Variants in ALG9 observed in about 807,000 individuals in gnomAD.
ALG9 encodes alpha-1,2-mannosyltransferase ALG9.
In ALG9, 55 loss-of-function variants were observed where a neutral mutation model predicts 81.8. That is an observed-to-expected ratio of 0.67 (90% CI 0.54 to 0.84). The LOEUF (loss-of-function observed/expected upper bound fraction) is 0.84, where lower values mean the gene tolerates loss of function less well. Among genes scored for constraint, ALG9 ranks in the 40% least tolerant of loss-of-function variants. ALG9 has a pLI of 0.00. For missense variants in ALG9, 629 were observed against 745.0 expected (o/e 0.84, Z 1.81); for synonymous variants, 278 against 274.3 (o/e 1.01, Z -0.13).
chr11:111,809,311 C>G (rs948173192), intron 14 of ALG9, among the ~76,000 whole-genome samples: 1 of 151,954 alleles, frequency 6.6e-6, no homozygotes, highest in Non-Finnish European at 1.5e-5. Flanking sequence ...GGTGGATCAC[C>G]TGAGGTCAGG....
intron 13 of ALG9, among the ~76,000 whole-genome samples, chr11:111,819,410 T>C (rs1169068864): frequency 6.6e-6 from 1 of 152,218 alleles, no homozygotes; most frequent in Non-Finnish European, 1.5e-5. Flanking sequence ...AGAAGACAGA[T>C]CTTATTTCTC....
chr11:111,825,770 G>C (rs990628842), intron 13 of ALG9, among the ~76,000 whole-genome samples: 1 of 152,024 alleles, frequency 6.6e-6, no homozygotes, highest in African/African-American at 2.4e-5. Context: ...ATATACAGCC[G>C]GGCGCGGTGG....
chr11:111,869,870 GGT>G (rs201384636), intron 2 of ALG9, among the ~76,000 whole-genome samples: 4,941 of 152,154 alleles, frequency 0.032, 255 homozygotes, highest in African/African-American at 0.11. Flanking sequence ...GGAGTGCAAT[GGT>G]GTGATCTCGG....
intron 13 of ALG9, among the ~76,000 whole-genome samples, chr11:111,820,485 C>T (rs782615994): frequency 2.0e-5 from 3 of 152,152 alleles, no homozygotes; most frequent in African/African-American, 4.8e-5. Flanking sequence ...TAAACCACTC[C>T]GGCAATAATG....
intron 13 of ALG9, among the ~76,000 whole-genome samples, chr11:111,830,640 A>G (rs1954187590): frequency 6.6e-6 from 1 of 152,202 alleles, no homozygotes; most frequent in South Asian, 2.1e-4. Flanking sequence ...TTGCCTTGAT[A>G]CCCGAGACTG....
intron 6 of ALG9, among the ~76,000 whole-genome samples, chr11:111,854,093 G>A (rs1267180717): frequency 2.8e-5 from 4 of 140,850 alleles, no homozygotes; most frequent in African/African-American, 1.1e-4. Context: ...CCTTATTACA[G>A]ACTTTTTTTT....
At chr11:111,779,581 A>C (rs142436767), downstream of ALG9, among the ~76,000 whole-genome samples, 1,237 of 151,026 alleles carry the variant, frequency 8.2e-3, 7 homozygotes, top group Middle Eastern at 0.055. Flanking sequence ...AAACTCCTGG[A>C]CTCAAACGAT....
intron 5 of ALG9, 23 bp downstream of exon 5, chr11:111,860,524 C>T (rs1555146959): frequency 6.2e-7 from 1 of 1,602,564 alleles, no homozygotes. Flanking sequence ...ACCTGCAATT[C>T]CCTCATCTGC....
chr11:111,821,018 A>G (rs1229517000), intron 13 of ALG9, among the ~76,000 whole-genome samples: 1 of 152,026 alleles, frequency 6.6e-6, no homozygotes, highest in Non-Finnish European at 1.5e-5. Flanking sequence ...ATTGCTTGAT[A>G]TCAGGAATTT....
intron 14 of ALG9, 129 bp from the exon 15 acceptor site, chr11:111,786,649 C>T: frequency 8.9e-7 from 1 of 1,125,490 alleles, no homozygotes; most frequent in Non-Finnish European, 1.3e-6. Context: ...CACAGAAAAG[C>T]CTATTATTTC....
the ALG9 span, among the ~76,000 whole-genome samples, chr11:111,771,794 T>C: frequency 1.3e-5 from 2 of 152,222 alleles, no homozygotes; most frequent in African/African-American, 4.8e-5. Flanking sequence ...ATATTTTAAA[T>C]TTGTATTTAT....
At chr11:111,835,535 T>C (rs1344862781) in intron 13 of ALG9, among the ~76,000 whole-genome samples, 2 of 152,208 alleles carry the variant, frequency 1.3e-5, no homozygotes, top group Non-Finnish European at 2.9e-5. Flanking sequence ...ACCTGATAAC[T>C]TGAAAGTTCC....
At chr11:111,854,970 C>T (rs1481747651) in intron 6 of ALG9, among the ~76,000 whole-genome samples, 1 of 152,050 alleles carries the variant, frequency 6.6e-6, no homozygotes, top group Non-Finnish European at 1.5e-5. Context: ...AAATGTGGCA[C>T]CCAAGAGGTA....
chr11:111,819,476 C>G (rs1379477205), intron 13 of ALG9, among the ~76,000 whole-genome samples: 5 of 152,154 alleles, frequency 3.3e-5, no homozygotes, highest in Non-Finnish European at 7.3e-5. Context: ...CTCTAAGAGT[C>G]CAAGGGGATA....
intron 2 of ALG9, 133 bp from the exon 3 acceptor site, chr11:111,868,869 C>T: frequency 3.3e-6 from 3 of 921,188 alleles, no homozygotes; most frequent in South Asian, 5.8e-5. Flanking sequence ...ACCTATAATC[C>T]CAGCACTTTG....
chr11:111,811,542 CAAA>C (rs11305937), intron 13 of ALG9, among the ~76,000 whole-genome samples: 9 of 89,018 alleles, frequency 1.0e-4, no homozygotes, highest in Admixed American at 2.4e-4. Flanking sequence ...GACTCTGTCT[CAAA>C]AAAAAAAAAA....
At chr11:111,854,136 T>C (rs1247011328) in intron 6 of ALG9, among the ~76,000 whole-genome samples, 4 of 150,442 alleles carry the variant, frequency 2.7e-5, no homozygotes, top group Non-Finnish European at 4.4e-5. Flanking sequence ...CTCACTCTAT[T>C]GCCCAGGCTG....
intron 3 of ALG9, among the ~76,000 whole-genome samples, chr11:111,865,903 A>C (rs1198494845): frequency 6.6e-6 from 1 of 152,232 alleles, no homozygotes; most frequent in African/African-American, 2.4e-5. Context: ...TTAAAAAATA[A>C]AAATAATAAA....
At chr11:111,856,971 G>C (rs1417340012) in intron 6 of ALG9, among the ~76,000 whole-genome samples, 2 of 152,200 alleles carry the variant, frequency 1.3e-5, no homozygotes, top group East Asian at 3.8e-4. Context: ...GCCAGGTGTG[G>C]TGGCGCACGC....
Sources: gnomAD v4.1 joint callset for allele counts (sites outside exome capture counted in the v4.1 genomes callset) on GRCh38, gnomAD v4.1.1 for gene constraint, MANE v1.5 for transcripts, NCBI Gene and HGNC (gene_info 2026-07-23, HGNC 2026-07-21) for gene names.